The following CNGB1 variants were observed in gnomAD, a reference collection of about 807,000 sequenced individuals.
CNGB1 encodes cyclic nucleotide gated channel subunit beta 1.
Under a neutral mutation model 151.7 loss-of-function variants are expected in CNGB1, and 126 were observed. That is an observed-to-expected ratio of 0.83 (90% CI 0.72 to 0.96). The LOEUF (loss-of-function observed/expected upper bound fraction) is 0.96, where lower values mean the gene tolerates loss of function less well. Ranked by LOEUF, CNGB1 falls within the 40% of genes least tolerant of loss-of-function variation. CNGB1 has a pLI of 0.00. For missense variants in CNGB1, 1,698 were observed against 1,627.0 expected, an observed-to-expected ratio of 1.04 and a Z score of -0.75; for synonymous variants, 623 against 635.1, an observed-to-expected ratio of 0.98 and a Z score of 0.29.
chr16:57,897,689 G>A (rs1960271943), intron 30 of CNGB1, 107 bp downstream of exon 30: 1 of 1,511,944 alleles, frequency 6.6e-7, no homozygotes, highest in South Asian at 1.1e-5. Flanking sequence ...ACATCAGCAG[G>A]TGCCAGTGCT....
At chr16:57,944,950 TTAAAA>T (rs1371162668) in intron 14 of CNGB1, among the ~76,000 whole-genome samples, 2 of 106,898 alleles carry the variant, frequency 1.9e-5, no homozygotes, top group South Asian at 6.0e-4. Flanking sequence ...GACTCTGTCT[TTAAAA>T]AAAAAAAAAA....
At position 57,950,579 on chromosome 16, in the gene CNGB1, G is replaced by A. The variant is rs152143; in HGVS notation, c.875-39C>T. On this transcript the variant is annotated intron_variant, in intron 12 of 32. Coordinates refer to ENST00000251102, the MANE Select transcript of CNGB1 (RefSeq NM_001297.5). ...AGGAAGAGCCATTTATGGGATGTGCGGGAGAGTGGGCTTGGGCCTCTGAGT... is the reference window on the plus strand; with the variant it reads ...AGGAAGAGCCATTTATGGGATGTGCAGGAGAGTGGGCTTGGGCCTCTGAGT... 1,591,585 of 1,613,208 alleles carry A rather than the reference G, an allele frequency of 0.99. 785,177 individuals carry two copies. The highest frequency in any genetic ancestry group is 1 in the East Asian group (44,849 of 44,852).
chr16:57,953,191 T>C (rs1962000693), intron 12 of CNGB1, among the ~76,000 whole-genome samples: 2 of 152,298 alleles, frequency 1.3e-5, no homozygotes, highest in African/African-American at 4.8e-5. Flanking sequence ...GTTCTGACCC[T>C]GGCCAGTGAA....
At position 57,960,039 on chromosome 16, in the gene CNGB1, C is replaced by T. The variant is rs201654405; in HGVS notation, c.610G>A (p.Gly204Arg). 222 of 1,565,044 alleles carry T rather than the reference C, an allele frequency of 1.4e-4. No homozygotes were observed. The highest frequency in any genetic ancestry group is 1.9e-4 in the Non-Finnish European group (218 of 1,158,538). Residue 204 changes from glycine (G) to arginine (R), a missense_variant, in exon 10 of 33, where the codon GGG becomes AGG. Physicochemically the swap from Gly to Arg is moderately radical, Grantham distance 125. Transcript: ENST00000251102. ...GTCTCCCGGGCCTGCAGCTTGGGCC[C>T]CATTTCCTGGGGGCGTCCTGGAGGC... ...PAPPGRPQEMGPKLQARETPS... is the reference protein window; with the variant it reads ...PAPPGRPQEMRPKLQARETPS...
chr16:57,959,992 G>C lies in CNGB1; in HGVS notation c.657C>G (p.Ile219Met). 1 of 1,588,646 alleles carries C rather than the reference G, an allele frequency of 6.3e-7. No individual in the cohort carries two copies. The highest frequency in any genetic ancestry group is 8.6e-7 in the Non-Finnish European group (1 of 1,168,398). The change falls in exon 10 of 33, where the codon ATC becomes ATG. Residue 219 changes from isoleucine to methionine, a missense_variant. Coordinates refer to ENST00000251102, the MANE Select transcript of CNGB1 (RefSeq NM_001297.5). ...ARETPSLPTPIPLQPKEEPKE... is the reference protein window; with the variant it reads ...ARETPSLPTPMPLQPKEEPKE... ...TGGGTTCCTCCTTGGGCTGCAGGGG[G>C]ATGGGTGTGGGCAGGGAGGGGGTCT...
At position 57,949,353 on chromosome 16, in the gene CNGB1, T is replaced by G; in HGVS notation, c.1121A>C (p.Glu374Ala). Residue 374 changes from glutamate (E) to alanine (A), a missense_variant and splice_region_variant, in exon 14 of 33, where the codon GAG becomes GCG. Physicochemically the swap from Glu to Ala is moderately radical, Grantham distance 107. Coordinates refer to ENST00000251102, the MANE Select transcript of CNGB1 (RefSeq NM_001297.5). ...CCAGACAGGTGAGCAAATGACTTAC[T>G]CAGTCACCTCCTCCTCTTCCTCCTC... The part of the protein sequence containing the change: ...EEEEEEEEVT[E>A]VLLDSCVVSQ... The G allele has an allele frequency of 6.2e-7, 1 of 1,610,138 alleles. No individual in the cohort carries two copies. Among genetic ancestry groups the G allele is most frequent in the South Asian group, 1.1e-5 (1 of 91,058 alleles).
At chr16:57,919,635 A>G (rs1325282121) in intron 19 of CNGB1, among the ~76,000 whole-genome samples, 4 of 152,130 alleles carry the variant, frequency 2.6e-5, no homozygotes, top group Admixed American at 2.0e-4. Flanking sequence ...TGTTCCCAGT[A>G]CCCATGGCTG....
intron 32 of CNGB1, 22 bp from the exon 33 acceptor site, chr16:57,884,479 T>G (rs1181399702): frequency 1.2e-6 from 2 of 1,613,086 alleles, no homozygotes; most frequent in Non-Finnish European, 1.7e-6. Context: ...AAAGGGTGAC[T>G]CGTGAGGCAC....
intron 21 of CNGB1, among the ~76,000 whole-genome samples, chr16:57,916,564 C>G (rs1960872640): frequency 1.3e-5 from 2 of 152,194 alleles, no homozygotes; most frequent in African/African-American, 4.8e-5. Flanking sequence ...TTAAATCTCT[C>G]CAAGGAAAAT....
chr16:57,950,633 G>A lies in CNGB1; in HGVS notation c.875-93C>T, dbSNP rs114462759. ...AGGGAGCCTGCAGGGAGCCCTGGCT[G>A]TCGCCAGCAGTGCCTCAGTGCTTAG... On this transcript the variant is annotated intron_variant, in intron 12 of 32. Transcript: ENST00000251102. 1,061 of 1,341,404 alleles carry A rather than the reference G, an allele frequency of 7.9e-4. 6 individuals carry two copies. The African/African-American group carries it at 0.013, about 16-fold the overall frequency. 83.1% of individuals were successfully genotyped at this position (1,341,404 alleles called of 1,614,324 possible).
intron 12 of CNGB1, among the ~76,000 whole-genome samples, chr16:57,952,880 A>C (rs185591760): frequency 0.029 from 4,439 of 152,264 alleles, 212 homozygotes; most frequent in African/African-American, 0.1. Context: ...AAGATTCTGC[A>C]GCACTGAGAG....
chr16:57,889,139 C>T (rs1248313646), intron 31 of CNGB1, among the ~76,000 whole-genome samples: 1 of 152,124 alleles, frequency 6.6e-6, no homozygotes, highest in African/African-American at 2.4e-5. Flanking sequence ...GGGGACTCTC[C>T]CTTGCTGACT....
intron 1 of CNGB1, among the ~76,000 whole-genome samples, chr16:57,969,732 G>A (rs772276574): frequency 2.6e-5 from 4 of 152,260 alleles, no homozygotes; most frequent in Non-Finnish European, 2.9e-5. Flanking sequence ...AGTACAGGTT[G>A]TTTCTGGTTG....
In CNGB1 at chr16:57,931,727, C is replaced by T. The variant is rs754744074; in HGVS notation, c.1524G>A (p.Ser508=). ...GCATAAAAGGTAACCTGTGTGTCCC[C>T]GAGGCTGAGCTTGGGACTATAAGGG... ...SDTLIVPSSA[S]GTHRKKLPSE... The change falls in exon 17 of 33, where the codon TCG becomes TCA. Residue 508 remains serine (S), a synonymous_variant. Coordinates refer to ENST00000251102, the MANE Select transcript of CNGB1 (RefSeq NM_001297.5). 117 of 1,613,948 alleles carry T rather than the reference C, an allele frequency of 7.2e-5. No individual in the cohort carries two copies. Among genetic ancestry groups the T allele is most frequent in the East Asian group, 1.8e-4 (8 of 44,878 alleles).
chr16:57,965,581 A>G (rs1240731763), intron 2 of CNGB1, among the ~76,000 whole-genome samples: 10 of 152,214 alleles, frequency 6.6e-5, no homozygotes, highest in African/African-American at 2.2e-4. Context: ...TTCTGCACCT[A>G]AATATACATG....
rs146170855 is a variant in CNGB1 at position 57,950,537 on chromosome 16, C to T, written c.878G>A (p.Ser293Asn). ...SPGICDVQTI[S>N]ILPGGQVEPD... ...CTCCACTTGTCCTCCAGGAAGGATGCTGACTGCAGGGAACACAGGAAGAGC... is the reference window on the plus strand; with the variant it reads ...CTCCACTTGTCCTCCAGGAAGGATGTTGACTGCAGGGAACACAGGAAGAGC... The change falls in exon 13 of 33, where the codon AGC becomes AAC. Residue 293 changes from serine to asparagine, a missense_variant. Coordinates refer to ENST00000251102, the MANE Select transcript of CNGB1 (RefSeq NM_001297.5). The T allele has an allele frequency of 3.5e-4, 572 of 1,614,126 alleles. 4 individuals carry two copies. Among genetic ancestry groups the T allele is most frequent in the African/African-American group, 3.2e-3 (242 of 75,054 alleles).
chr16:57,935,861 C>G (rs1185615510), intron 16 of CNGB1, among the ~76,000 whole-genome samples: 1 of 151,790 alleles, frequency 6.6e-6, no homozygotes, highest in African/African-American at 2.4e-5. Context: ...GGGTGGCACC[C>G]CTTACTGTTG....
intron 31 of CNGB1, among the ~76,000 whole-genome samples, chr16:57,893,439 A>C (rs1960146994): frequency 6.6e-6 from 1 of 152,090 alleles, no homozygotes; most frequent in Non-Finnish European, 1.5e-5. Context: ...ATCCTTATTA[A>C]CATGCACTGA....
intron 17 of CNGB1, among the ~76,000 whole-genome samples, chr16:57,927,932 C>G (rs1299114891): frequency 1.3e-5 from 2 of 152,206 alleles, no homozygotes; most frequent in African/African-American, 4.8e-5. Flanking sequence ...AACTGTGTCT[C>G]TTTTCTCTGT....
Sources: allele counts gnomAD v4.1 joint callset (sites outside exome capture counted in the v4.1 genomes callset), GRCh38; gene constraint gnomAD v4.1.1; transcripts MANE v1.5; gene names NCBI Gene and HGNC (gene_info 2026-07-23, HGNC 2026-07-21).